The following FTO variants were observed in gnomAD, a reference collection of about 807,000 sequenced individuals.
FTO encodes alpha-ketoglutarate-dependent dioxygenase FTO.
Under a neutral mutation model 63.9 loss-of-function variants are expected in FTO, and 47 were observed. The observed-to-expected ratio is 0.74, with a 90% CI of 0.58 to 0.94. FTO has a LOEUF of 0.94. Ranked by LOEUF, FTO falls within the 40% of genes least tolerant of loss-of-function variation. The pLI, the probability that FTO is intolerant of heterozygous loss-of-function variation, is 0.00. For synonymous variants in FTO, 207 were observed against 224.4 expected (o/e 0.92, Z 0.69); for missense variants, 562 against 618.1 (o/e 0.91, Z 0.96).
At chr16:53,748,172 T>G (rs933537631) in intron 1 of FTO, among the ~76,000 whole-genome samples, 1 of 152,224 alleles carries the variant, frequency 6.6e-6, no homozygotes, top group Non-Finnish European at 1.5e-5. Context: ...ATATGAATTT[T>G]AGGATTATAT....
At chr16:53,831,312 C>A (rs1406509709) in intron 3 of FTO, among the ~76,000 whole-genome samples, 2 of 152,038 alleles carry the variant, frequency 1.3e-5, no homozygotes, top group African/African-American at 2.4e-5. Flanking sequence ...TATGCCTTGT[C>A]AGTGATTTTT....
chr16:53,751,254 A>T (rs2076783417), intron 1 of FTO, among the ~76,000 whole-genome samples: 2 of 152,098 alleles, frequency 1.3e-5, no homozygotes, highest in Admixed American at 6.5e-5. Flanking sequence ...TTAAAAAAAA[A>T]TTTACCATCC....
chr16:54,018,281 A>G (rs1177207479), intron 8 of FTO, among the ~76,000 whole-genome samples: 1 of 152,160 alleles, frequency 6.6e-6, no homozygotes, highest in Non-Finnish European at 1.5e-5. Flanking sequence ...AAAGGATGGT[A>G]CCAATTTTTA....
chr16:53,991,521 T>A lies in FTO; in HGVS notation c.1364+57412T>A, dbSNP rs539501112. The A allele has an allele frequency of 2.0e-5, 3 of 152,256 alleles. No individual in the cohort carries two copies. In the South Asian group the frequency reaches 6.2e-4, roughly 32 times the overall value. 9.4% of individuals were successfully genotyped at this position (152,256 alleles called of 1,614,324 possible). Reference sequence around the variant, plus strand: ...GCACCACTGCACCCCGTGCTTTGATTCCCTTGTATGCTAAATATGCAAGCA... The same window carrying A: ...GCACCACTGCACCCCGTGCTTTGATACCCTTGTATGCTAAATATGCAAGCA... On this transcript the variant is annotated intron_variant, in intron 8 of 8. Coordinates refer to ENST00000471389, the MANE Select transcript of FTO (RefSeq NM_001080432.3).
At position 54,077,217 on chromosome 16, in the gene FTO, TGG is replaced by T. The variant is rs2086020339; in HGVS notation, c.1365-34544_1365-34543del. Among the ~76,000 whole-genome samples the T allele has an allele frequency of 2.0e-5, 3 of 152,314 alleles. No individual in the cohort carries two copies. The South Asian group carries it at 6.2e-4, about 32-fold the overall frequency. On this transcript the variant is annotated intron_variant, in intron 8 of 8. Coordinates refer to ENST00000471389, the MANE Select transcript of FTO (RefSeq NM_001080432.3). ...GATTGTAGTGGAGAAAGCCCTCACG[TGG>T]CCATGTGATTTTATTGACAGCTCAG...
At chr16:53,749,301 CT>C (rs879575099) in intron 1 of FTO, among the ~76,000 whole-genome samples, 1 of 151,978 alleles carries the variant, frequency 6.6e-6, no homozygotes, top group Non-Finnish European at 1.5e-5. Context: ...TATTTGGATG[CT>C]TTTTTTCTCT....
chr16:53,834,893 C>T (rs1018902615), intron 3 of FTO, among the ~76,000 whole-genome samples: 2 of 152,138 alleles, frequency 1.3e-5, no homozygotes, highest in African/African-American at 4.8e-5. Flanking sequence ...TGCCTGCCTA[C>T]ACATGTACAC....
At chr16:53,846,801 C>CAA (rs55982417) in intron 4 of FTO, among the ~76,000 whole-genome samples, 2 of 106,846 alleles carry the variant, frequency 1.9e-5, no homozygotes, top group East Asian at 2.7e-4. Flanking sequence ...GACTCAGTCT[C>CAA]AAAAAAAAAA....
At chr16:53,916,956 C>T (rs1292587843) in intron 7 of FTO, among the ~76,000 whole-genome samples, 1 of 152,076 alleles carries the variant, frequency 6.6e-6, no homozygotes, top group Admixed American at 6.5e-5. Flanking sequence ...TCTGTGTGTC[C>T]AAGTGAGACT....
intron 1 of FTO, among the ~76,000 whole-genome samples, chr16:53,796,592 A>G (rs1195933069): frequency 6.6e-6 from 1 of 152,214 alleles, no homozygotes; most frequent in Non-Finnish European, 1.5e-5. Flanking sequence ...TACATTTGAG[A>G]ACTTAGATGA....
intron 7 of FTO, among the ~76,000 whole-genome samples, chr16:53,915,941 A>G (rs890850788): frequency 1.3e-5 from 2 of 152,228 alleles, no homozygotes; most frequent in African/African-American, 2.4e-5. Flanking sequence ...TTAAGTAGGA[A>G]TTCATGCCAA....
chr16:54,120,175 C>G lies in FTO; in HGVS notation c.*8260C>G, dbSNP rs1171385670. The G allele has an allele frequency of 6.6e-6, 1 of 152,214 alleles. No individual in the cohort carries two copies. 9.4% of individuals were successfully genotyped at this position (152,214 alleles called of 1,614,324 possible). On this transcript the variant is annotated 3_prime_UTR_variant, in exon 9 of 9. Transcript: ENST00000471389. ...GCCTTGGGCCAGCAAAACTCTGTAC[C>G]CAGCAGAAAACAATAGATGTGTGGC... is the stretch of plus-strand genomic sequence containing the variant.
chr16:53,805,441 TG>T (rs1425297614), intron 1 of FTO, among the ~76,000 whole-genome samples: 5 of 126,650 alleles, frequency 3.9e-5, no homozygotes, highest in African/African-American at 1.7e-4. Flanking sequence ...GTTTGAGTTG[TG>T]GTTTTTTTTT....
intron 4 of FTO, among the ~76,000 whole-genome samples, chr16:53,845,912 G>A (rs1227663262): frequency 3.3e-5 from 5 of 152,080 alleles, no homozygotes; most frequent in African/African-American, 1.2e-4. Context: ...CTTCTCATGG[G>A]GAGATTCCTG....
rs1456990856 is a variant in FTO at position 54,111,807 on chromosome 16, A to AGAATG, written c.1411_1415dup (p.Cys472TrpfsTer83). On this transcript the variant is annotated frameshift_variant, in exon 9 of 9. Transcript: ENST00000471389. LOFTEE classifies it high-confidence loss of function. Reference sequence around the variant, plus strand: ...GAACATTACCTGCTGATCAGAAGCCAGAATGTCGGCCATACTGGGAAAAGG... The same window carrying AGAATG: ...GAACATTACCTGCTGATCAGAAGCCAGAATGGAATGTCGGCCATACTGGGAAAAGG... 6.2e-7 allele frequency: 1 copy of AGAATG among 1,614,156 alleles called. No individual in the cohort carries two copies. Among genetic ancestry groups the AGAATG allele is most frequent in the East Asian group, 2.2e-5 (1 of 44,882 alleles).
At chr16:53,780,591 A>G (rs1477685556) in intron 1 of FTO, among the ~76,000 whole-genome samples, 2 of 152,012 alleles carry the variant, frequency 1.3e-5, no homozygotes, top group Non-Finnish European at 2.9e-5. Flanking sequence ...GCTGGTCTTG[A>G]ACTCCTGACC....
intron 8 of FTO, among the ~76,000 whole-genome samples, chr16:54,052,328 A>G (rs1360799193): frequency 6.6e-6 from 1 of 152,162 alleles, no homozygotes; most frequent in African/African-American, 2.4e-5. Flanking sequence ...TCGAGGGGGA[A>G]AAAGTTAAAT....
At chr16:53,886,523 T>G (rs531604736) in intron 6 of FTO, among the ~76,000 whole-genome samples, 1 of 152,372 alleles carries the variant, frequency 6.6e-6, no homozygotes, top group South Asian at 2.1e-4. Context: ...GTATTAATTC[T>G]TCTTTCAAAG....
intron 4 of FTO, among the ~76,000 whole-genome samples, chr16:53,847,976 A>G (rs2079680665): frequency 6.6e-6 from 1 of 152,156 alleles, no homozygotes; most frequent in Non-Finnish European, 1.5e-5. Context: ...CCCATGTCTT[A>G]TTTTTAGATG....
Sources: allele counts gnomAD v4.1 joint callset (sites outside exome capture counted in the v4.1 genomes callset), GRCh38; gene constraint gnomAD v4.1.1; transcripts MANE v1.5; gene names NCBI Gene and HGNC (gene_info 2026-07-23, HGNC 2026-07-21).